GRAMD1C: variants seen among roughly 807,000 people sequenced by gnomAD.
GRAMD1C encodes the protein GRAM domain containing 1C, also known as protein Aster-C.
GRAMD1C carries 89 observed loss-of-function variants against 97.8 expected under a neutral mutation model. That is an observed-to-expected ratio of 0.91 (90% CI 0.77 to 1.09). GRAMD1C has a LOEUF of 1.09. Ranked by LOEUF, GRAMD1C falls within the 50% of genes least tolerant of loss-of-function variation. The pLI, the probability that GRAMD1C is intolerant of heterozygous loss-of-function variation, is 0.00. For synonymous variants in GRAMD1C, 256 were observed against 267.0 expected, an observed-to-expected ratio of 0.96 and a Z score of 0.40; for missense variants, 740 against 766.4, an observed-to-expected ratio of 0.97 and a Z score of 0.41.
At position 113,946,827 on chromosome 3, in the gene GRAMD1C, G is replaced by A. The variant is rs1938111855; in HGVS notation, c.*1349G>A. 1 of 152,172 alleles carries A rather than the reference G, an allele frequency of 6.6e-6. No homozygotes were observed. The highest frequency in any genetic ancestry group is 1.5e-5 in the Non-Finnish European group (1 of 68,040). The allele number at this position is 152,172 out of a possible 1,614,324, so 9.4% of individuals were successfully genotyped here. A position where few individuals can be genotyped will look rare whatever the true frequency, so the allele number is the denominator to read the frequency against. On this transcript the variant is annotated 3_prime_UTR_variant, in exon 18 of 18. Transcript: ENST00000358160. The stretch of plus-strand genomic sequence containing the variant: ...GAATGAAAGTATTGACTCCGTTAGA[G>A]GGAAAATGGGTTTCTCTGGGTGAAT...
At chr3:113,870,799 G>A (rs1459512077) in intron 3 of GRAMD1C, among the ~76,000 whole-genome samples, 1 of 151,646 alleles carries the variant, frequency 6.6e-6, no homozygotes, top group Non-Finnish European at 1.5e-5. Flanking sequence ...TCAGGGAGGA[G>A]TGATTTTTGA....
At chr3:113,915,928 G>A (rs1324823141) in intron 10 of GRAMD1C, 90 bp downstream of exon 10, 6 of 989,320 alleles carry the variant, frequency 6.1e-6, no homozygotes, top group Non-Finnish European at 9.3e-6. Flanking sequence ...TTTATGTTGT[G>A]AGGAGGAAGA....
upstream of GRAMD1C, among the ~76,000 whole-genome samples, chr3:113,838,024 C>A (rs1454840137): frequency 6.6e-6 from 1 of 152,110 alleles, no homozygotes; most frequent in Non-Finnish European, 1.5e-5. Flanking sequence ...AGCAGGTGTC[C>A]GAGGCAATAG....
intron 2 of GRAMD1C, among the ~76,000 whole-genome samples, chr3:113,849,428 A>G (rs1353745810): frequency 6.6e-6 from 1 of 151,918 alleles, no homozygotes; most frequent in Non-Finnish European, 1.5e-5. Flanking sequence ...TTTCCTAGGC[A>G]GAGGACCCTG....
intron 12 of GRAMD1C, 118 bp from the exon 13 acceptor site, chr3:113,934,314 A>G: frequency 1.6e-6 from 1 of 614,564 alleles, no homozygotes; most frequent in South Asian, 2.2e-5. Context: ...CTTTTATGAT[A>G]TTAATGACTT....
intron 3 of GRAMD1C, among the ~76,000 whole-genome samples, chr3:113,873,612 G>A (rs931347146): frequency 4.6e-5 from 7 of 151,880 alleles, no homozygotes; most frequent in Non-Finnish European, 7.4e-5. Context: ...TTTGCCTCCC[G>A]CGTTCAAGGG....
chr3:113,888,574 C>T (rs140116123), intron 6 of GRAMD1C, among the ~76,000 whole-genome samples: 27 of 152,178 alleles, frequency 1.8e-4, no homozygotes, highest in Non-Finnish European at 2.2e-4. Flanking sequence ...CTGATTGTGG[C>T]GACCACAATG....
chr3:113,847,580 A>G (rs1933667570), intron 2 of GRAMD1C, among the ~76,000 whole-genome samples: 1 of 152,248 alleles, frequency 6.6e-6, no homozygotes, highest in Admixed American at 6.5e-5. Context: ...ATCAACATCT[A>G]CCACAACTCT....
At chr3:113,883,788 G>A (rs190897292) in intron 6 of GRAMD1C, among the ~76,000 whole-genome samples, 7 of 152,062 alleles carry the variant, frequency 4.6e-5, no homozygotes, top group Admixed American at 1.3e-4. Context: ...TATAGACCTC[G>A]TACAGAGGCC....
At chr3:113,867,197 A>G (rs1057210814) in intron 2 of GRAMD1C, among the ~76,000 whole-genome samples, 3 of 152,176 alleles carry the variant, frequency 2.0e-5, no homozygotes, top group Non-Finnish European at 2.9e-5. Context: ...TTTTAAAAAT[A>G]CCCATGTATT....
Position 113,829,635 on chromosome 3 carries a change from T to C in GRAMD1C, n.98+1356T>C, listed in dbSNP as rs531534096. Among the ~76,000 whole-genome samples the C allele has an allele frequency of 4.6e-5, 7 of 152,228 alleles. No individual in the cohort carries two copies. The South Asian group carries it at 1.4e-3, about 31-fold the overall frequency. On this transcript the variant is annotated intron_variant and non_coding_transcript_variant, in intron 1 of 18. Coordinates refer to the GRAMD1C transcript ENST00000479212. ...CAAAGGCTTCCCATAAAACTTTTAC[T>C]CAGATTTTCATGTTTGCTTTATTTA...
At chr3:113,902,083 C>T (rs1324932611) in intron 7 of GRAMD1C, among the ~76,000 whole-genome samples, 2 of 152,194 alleles carry the variant, frequency 1.3e-5, no homozygotes, top group Non-Finnish European at 2.9e-5. Flanking sequence ...CTAAATTGTA[C>T]ACTTTACATG....
chr3:113,832,768 G>A (rs547217631), intron 1 of GRAMD1C, among the ~76,000 whole-genome samples: 1 of 152,222 alleles, frequency 6.6e-6, no homozygotes, highest in Non-Finnish European at 1.5e-5. Flanking sequence ...AAAAACCGAG[G>A]AAGAAAAATA....
At chr3:113,850,477 G>T in intron 2 of GRAMD1C, 1 of 1,490,084 alleles carries the variant, frequency 6.7e-7, no homozygotes, top group Non-Finnish European at 9.3e-7. Flanking sequence ...AGTCTCCGGG[G>T]CAGATGAAGA....
chr3:113,889,151 A>G (rs1337613777), intron 6 of GRAMD1C, among the ~76,000 whole-genome samples: 1 of 152,076 alleles, frequency 6.6e-6, no homozygotes, highest in East Asian at 1.9e-4. Context: ...AGTGAGCCGA[A>G]ATCGCGCTAT....
intron 8 of GRAMD1C, among the ~76,000 whole-genome samples, chr3:113,907,622 A>G (rs900227265): frequency 5.3e-5 from 8 of 152,232 alleles, no homozygotes; most frequent in Non-Finnish European, 5.9e-5. Context: ...GTTGGAAATA[A>G]CAAAAAGTCA....
chr3:113,923,409 A>G (rs1483422192), intron 10 of GRAMD1C, among the ~76,000 whole-genome samples: 1 of 152,106 alleles, frequency 6.6e-6, no homozygotes, highest in Non-Finnish European at 1.5e-5. Context: ...GCGGTTTGTC[A>G]TAGGTGACTC....
intron 6 of GRAMD1C, among the ~76,000 whole-genome samples, chr3:113,886,294 T>C (rs1190379685): frequency 6.6e-6 from 1 of 152,226 alleles, no homozygotes; most frequent in Middle Eastern, 3.4e-3. Flanking sequence ...GGTGGAAGCC[T>C]AGGGGAGCCG....
At chr3:113,853,389 T>C (rs545736517) in intron 2 of GRAMD1C, among the ~76,000 whole-genome samples, 6 of 152,314 alleles carry the variant, frequency 3.9e-5, no homozygotes, top group Non-Finnish European at 8.8e-5. Context: ...ATGAATCTAA[T>C]AGCAGTTTCA....
Sources: allele counts gnomAD v4.1 joint callset (sites outside exome capture counted in the v4.1 genomes callset), GRCh38; gene constraint gnomAD v4.1.1; transcripts MANE v1.5; gene names NCBI Gene and HGNC (gene_info 2026-07-23, HGNC 2026-07-21).